Variants in THAP3 observed in about 807,000 individuals in gnomAD.
THAP3 encodes the protein THAP domain-containing protein 3.
In THAP3, 12 loss-of-function variants were observed where a neutral mutation model predicts 17.7. The observed-to-expected ratio is 0.68, with a 90% confidence interval of 0.43 to 1.10. The LOEUF (loss-of-function observed/expected upper bound fraction) is 1.10. THAP3 is among the 50% of genes least tolerant of loss of function. The pLI, the probability that THAP3 is intolerant of heterozygous loss-of-function variation, is 0.00. For missense variants in THAP3, 289 were observed against 318.0 expected, an observed-to-expected ratio of 0.91 and a Z score of 0.69; for synonymous variants, 133 against 126.9, an observed-to-expected ratio of 1.05 and a Z score of -0.32.
At chr1:6,633,970 G>A (rs369310939), downstream of THAP3, 275 of 1,548,786 alleles carry the variant, frequency 1.8e-4, no homozygotes, top group Non-Finnish European at 2.4e-4. Context: ...GTGAATTAAA[G>A]AAAAAAGTTC....
chr1:6,625,254 C>G lies in THAP3; in HGVS notation c.36C>G (p.Asn12Lys). The G allele has an allele frequency of 6.5e-7, 1 of 1,545,376 alleles. No individual in the cohort carries two copies. The highest frequency in any genetic ancestry group is 8.7e-7 in the Non-Finnish European group (1 of 1,147,422). ...PKSCAARQCC[N>K]RYSSRRKQLT... ...CGTGCGCGGCCCGGCAGTGCTGCAA[C>G]CGCTACAGCAGCCGCAGGAAGCAGC... is the stretch of plus-strand genomic sequence containing the variant. Residue 12 changes from asparagine to lysine, a missense_variant, in exon 2 of 6, where the codon AAC becomes AAG. Physicochemically the swap from Asn to Lys is moderately conservative, Grantham distance 94. Transcript: ENST00000054650.
At chr1:6,632,645 C>T (rs1342154618) in intron 5 of THAP3, 150 bp downstream of exon 5, 4 of 1,435,308 alleles carry the variant, frequency 2.8e-6, no homozygotes, top group African/African-American at 1.4e-5. Context: ...AAATTCTCCA[C>T]CATGGTGTGG....
At chr1:6,634,976 G>C (rs1202131788), downstream of THAP3, 1 of 829,812 alleles carries the variant, frequency 1.2e-6, no homozygotes, top group Admixed American at 3.8e-5. Context: ...TTCCCACCGG[G>C]ATACGGGAAG....
rs140535658 is a variant in THAP3, at chr1:6,630,417, G to A, written c.333+64G>A. ...TGCTGTGGGTTGAGACAGGGAGGTG[G>A]GATTTTCCCAGCAAGGCCGGCCCGC... On this transcript the variant is annotated intron_variant, in intron 4 of 5. Coordinates refer to ENST00000054650, the MANE Select transcript of THAP3 (RefSeq NM_001195753.2). 4.1e-4 allele frequency: 641 copies of A among 1,564,860 alleles called. 4 individuals carry two copies. In the African/African-American group the frequency reaches 8.0e-3, roughly 19 times the overall value.
downstream of THAP3, chr1:6,633,613 A>C (rs1000851247): frequency 9.3e-6 from 10 of 1,079,490 alleles, no homozygotes; most frequent in Middle Eastern, 4.4e-4. Context: ...CCTTCTAAGA[A>C]GACTGACTTC....
intron 4 of THAP3, 119 bp downstream of exon 4, chr1:6,630,472 T>C: frequency 1.0e-6 from 1 of 962,430 alleles, no homozygotes; most frequent in South Asian, 1.4e-5. Context: ...ATATGCCAGT[T>C]TGGATTCCCG....
In THAP3 at chr1:6,632,393, C is replaced by T. The variant is rs770184679; in HGVS notation, c.336C>T (p.Val112=). 4 of 1,613,628 alleles carry T rather than the reference C, an allele frequency of 2.5e-6. No individual in the cohort carries two copies. The highest frequency in any genetic ancestry group is 1.3e-5 in the African/African-American group (1 of 75,040). ...GNASSSQKEK[V]LPEAGAGEDS... is the part of the protein sequence containing the mutation. ...AGACTTCACCCTGCCGTTCCCAGGT[C>T]CTCCCTGAGGCGGGGGCCGGAGAGG... Residue 112 remains valine (V), a splice_region_variant and synonymous_variant, in exon 5 of 6, where the codon GTC becomes GTT. Transcript: ENST00000054650.
chr1:6,628,950 C>G (rs1398581592), intron 3 of THAP3, among the ~76,000 whole-genome samples: 1 of 152,194 alleles, frequency 6.6e-6, no homozygotes, highest in Non-Finnish European at 1.5e-5. Context: ...GTCTGTAATC[C>G]CAGCACTTTG....
downstream of THAP3, chr1:6,635,345 A>G (rs1004938206): frequency 4.2e-5 from 11 of 259,928 alleles, no homozygotes; most frequent in South Asian, 4.9e-4. Flanking sequence ...CCCAGCCAAG[A>G]ACTACAGGGC....
At chr1:6,635,475 G>A (rs558099098), downstream of THAP3, 65 of 575,614 alleles carry the variant, frequency 1.1e-4, no homozygotes, top group South Asian at 1.4e-3. Context: ...GGTTCCCAGT[G>A]GGGCTGCCTC....
At chr1:6,630,487 T>C (rs1302047230) in intron 4 of THAP3, 134 bp downstream of exon 4, 1 of 812,400 alleles carries the variant, frequency 1.2e-6, no homozygotes, top group Non-Finnish European at 2.0e-6. Context: ...TTCCCGGTTT[T>C]TCTGGAGGGA....
At position 6,633,145 on chromosome 1, in the gene THAP3, G is replaced by A. The variant is rs994383396; in HGVS notation, c.*68G>A. 6.6e-7 allele frequency: 1 copy of A among 1,523,770 alleles called. No individual in the cohort carries two copies. The highest frequency in any genetic ancestry group is 8.8e-7 in the Non-Finnish European group (1 of 1,136,238). 94.4% of individuals were successfully genotyped at this position (1,523,770 alleles called of 1,614,324 possible). A position where few individuals can be genotyped will look rare whatever the true frequency, so the allele number is the denominator to read the frequency against. ...CCGGCAGAGCTTTGGAGCTCTGGCT[G>A]TGGACATTTTTGTCTGCTGTGGACA... On this transcript the variant is annotated 3_prime_UTR_variant, in exon 6 of 6. Transcript: ENST00000054650.
At position 6,628,602 on chromosome 1, in the gene THAP3, C is replaced by A. The variant is rs775502432; in HGVS notation, c.178C>A (p.Arg60=). The A allele has an allele frequency of 4.3e-6, 7 of 1,613,748 alleles. No individual in the cohort carries two copies. The highest frequency in any genetic ancestry group is 5.1e-6 in the Non-Finnish European group (6 of 1,180,016). ...CACGGTCATCTGCTCCGAGCACTTC[C>A]GGCCAGAGTGCTTCAGCGCCTTTGG... is the stretch of plus-strand genomic sequence containing the variant. ...QHTVICSEHF[R]PECFSAFGNR... Residue 60 remains arginine (R), a synonymous_variant, in exon 3 of 6, where the codon CGG becomes AGG. Coordinates refer to ENST00000054650, the MANE Select transcript of THAP3 (RefSeq NM_001195753.2).
At position 6,628,514 on chromosome 1, in the gene THAP3, C is replaced by T. The variant is rs776685594; in HGVS notation, c.90C>T (p.Arg30=). The T allele has an allele frequency of 1.9e-6, 3 of 1,612,770 alleles. No homozygotes were observed. The highest frequency in any genetic ancestry group is 2.5e-6 in the Non-Finnish European group (3 of 1,179,616). The part of the protein sequence containing the change: ...QLTFHRFPFS[R]PELLKEWVLN... The stretch of plus-strand genomic sequence containing the variant: ...CTGCCCTTAGGTTTCCGTTCAGCCG[C>T]CCGGAGCTGCTGAAGGAATGGGTGC... The change falls in exon 3 of 6, where the codon CGC becomes CGT. Residue 30 remains arginine, a synonymous_variant. Transcript: ENST00000054650.
chr1:6,632,936 CCTCA>C lies in THAP3; in HGVS notation c.583_586del (p.Thr195Ter). The stretch of plus-strand genomic sequence containing the variant: ...TAGATTCCCTGAAGAAAAAACTCTT[CCTCA>C]CTCTGAAGGAAAATGAAAAGCTCCG... On this transcript the variant is annotated frameshift_variant, in exon 6 of 6. Coordinates refer to ENST00000054650, the MANE Select transcript of THAP3 (RefSeq NM_001195753.2). LOFTEE classifies it low-confidence loss of function (END_TRUNC). The C allele has an allele frequency of 6.2e-7, 1 of 1,612,944 alleles. No homozygotes were observed. The highest frequency in any genetic ancestry group is 8.5e-7 in the Non-Finnish European group (1 of 1,179,888).
At position 6,633,489 on chromosome 1, in the gene THAP3, C is replaced by T. The variant is rs561429818; in HGVS notation, c.*412C>T. Reference sequence around the variant, plus strand: ...CCCCTCCTCCATCAGCCTGGACAGCCGCTCGGGGTTCTAAGGAGTGACTCC... The same window carrying T: ...CCCCTCCTCCATCAGCCTGGACAGCTGCTCGGGGTTCTAAGGAGTGACTCC... On this transcript the variant is annotated 3_prime_UTR_variant, in exon 6 of 6. Coordinates refer to ENST00000054650, the MANE Select transcript of THAP3 (RefSeq NM_001195753.2). The T allele has an allele frequency of 4.1e-5, 46 of 1,119,770 alleles. No individual in the cohort carries two copies. Among genetic ancestry groups the T allele is most frequent in the South Asian group, 2.2e-4 (9 of 41,080 alleles). The allele number at this position is 1,119,770 out of a possible 1,614,324, so 69.4% of individuals were successfully genotyped here. A position where few individuals can be genotyped will look rare whatever the true frequency, so the allele number is the denominator to read the frequency against.
rs1404950113 is a variant in THAP3 at position 6,632,884 on chromosome 1, C to G, written c.527C>G (p.Ser176Cys). 1 of 1,612,850 alleles carries G rather than the reference C, an allele frequency of 6.2e-7. No homozygotes were observed. The highest frequency in any genetic ancestry group is 2.2e-5 in the East Asian group (1 of 44,902). Residue 176 changes from serine to cysteine, a missense_variant, in exon 6 of 6, where the codon TCT (serine) becomes TGT (cysteine). Transcript: ENST00000054650. ...GLRRTPNKQP[S>C]DHSYALLDLD... is the part of the protein sequence containing the mutation. ...AGAAGGACCCCCAACAAGCAGCCAT[C>G]TGATCACAGCTATGCCCTTTTGGAC...
At position 6,631,658 on chromosome 1, in the gene THAP3, A is replaced by G. The variant is rs1433383574; in HGVS notation, c.334-733A>G. Among the ~76,000 whole-genome samples, 3 of 152,034 alleles carry G rather than the reference A, an allele frequency of 2.0e-5. No individual in the cohort carries two copies. The East Asian group carries it at 5.8e-4, about 29-fold the overall frequency. On this transcript the variant is annotated intron_variant, in intron 4 of 5. Coordinates refer to ENST00000054650, the MANE Select transcript of THAP3 (RefSeq NM_001195753.2). ...GGTGGCTCACACCTGTAATCCTAGCACTTTGGCAGGCTGCGGCAGGTGGAT... is the reference window on the plus strand; with the variant it reads ...GGTGGCTCACACCTGTAATCCTAGCGCTTTGGCAGGCTGCGGCAGGTGGAT...
At chr1:6,633,963 A>AATT (rs1006658640), downstream of THAP3, 1 of 1,499,246 alleles carries the variant, frequency 6.7e-7, no homozygotes, top group East Asian at 2.3e-5. Flanking sequence ...AGCTTTAGTG[A>AATT]ATTAAAGAAA....
Sources: allele counts gnomAD v4.1 joint callset (sites outside exome capture counted in the v4.1 genomes callset), GRCh38; gene constraint gnomAD v4.1.1; transcripts MANE v1.5; gene names NCBI Gene and HGNC (gene_info 2026-07-23, HGNC 2026-07-21).